The following XRCC4 variants were observed in gnomAD, a reference collection of about 807,000 sequenced individuals.
XRCC4 encodes the protein DNA repair protein XRCC4.
A neutral mutation model predicts 39.1 loss-of-function variants in XRCC4; 28 were observed. The observed-to-expected ratio is 0.72, with a 90% CI of 0.53 to 0.98. The LOEUF is 0.98. XRCC4 is among the 50% of genes least tolerant of loss of function. The pLI is 0.00. For missense variants in XRCC4, 350 were observed against 376.4 expected (o/e 0.93, Z 0.58); for synonymous variants, 123 against 126.4 (o/e 0.97, Z 0.18).
At chr5:83,302,520 C>T (rs936055277) in intron 7 of XRCC4, among the ~76,000 whole-genome samples, 1 of 152,172 alleles carries the variant, frequency 6.6e-6, no homozygotes, top group Non-Finnish European at 1.5e-5. Flanking sequence ...GAGGGCTGCA[C>T]CCACTGTCTA....
At chr5:83,167,645 A>C (rs948964161) in intron 3 of XRCC4, among the ~76,000 whole-genome samples, 2 of 152,178 alleles carry the variant, frequency 1.3e-5, no homozygotes, top group South Asian at 4.1e-4. Flanking sequence ...GAGGAGGAGG[A>C]GATGCACTTC....
At chr5:83,106,772 A>G (rs1343876852) in intron 2 of XRCC4, among the ~76,000 whole-genome samples, 2 of 151,912 alleles carry the variant, frequency 1.3e-5, no homozygotes, top group African/African-American at 4.8e-5. Context: ...GTTTGTCAAC[A>G]CTCTTTGCAA....
At position 83,271,007 on chromosome 5, in the gene XRCC4, G is replaced by C. The variant is rs144592238; in HGVS notation, c.893+12330G>C. ...TGCCATGTATAGGAAGACAGAAGGG[G>C]TTTTATTTAGCCCATTTAATCAACT... On this transcript the variant is annotated intron_variant, in intron 7 of 7. Coordinates refer to ENST00000396027, the MANE Select transcript of XRCC4 (RefSeq NM_003401.5). Among the ~76,000 whole-genome samples, 230 of 152,012 alleles carry C rather than the reference G, an allele frequency of 1.5e-3. 3 individuals carry two copies. The highest frequency in any genetic ancestry group is 5.3e-3 in the African/African-American group (218 of 41,504).
intron 1 of XRCC4, among the ~76,000 whole-genome samples, chr5:83,087,043 G>A (rs1745212826): frequency 1.3e-5 from 2 of 152,172 alleles, no homozygotes; most frequent in African/African-American, 4.8e-5. Context: ...TAGGCCAGGA[G>A]TGGTGGCTCA....
intron 1 of XRCC4, among the ~76,000 whole-genome samples, chr5:83,093,933 C>T (rs906361618): frequency 3.3e-5 from 5 of 152,098 alleles, no homozygotes; most frequent in Non-Finnish European, 5.9e-5. Flanking sequence ...AATATATCAG[C>T]CCACTCTCTC....
At position 83,215,652 on chromosome 5, in the gene XRCC4, G is replaced by T. The variant is rs184450432; in HGVS notation, c.745+10731G>T. ...TGATAAAATGAGAATCTAGAATTGA[G>T]ACTGTAGAAGTAAGCCTTCATGTTT... On this transcript the variant is annotated intron_variant, in intron 6 of 7. Transcript: ENST00000396027. Among the ~76,000 whole-genome samples the T allele has an allele frequency of 3.5e-3, 534 of 152,284 alleles. 1 individual carries two copies. The highest frequency in any genetic ancestry group is 0.012 in the African/African-American group (496 of 41,540).
At chr5:83,104,778 CTAT>C in intron 1 of XRCC4, 129 bp from the exon 2 acceptor site, 1 of 678,042 alleles carries the variant, frequency 1.5e-6, no homozygotes, top group Non-Finnish European at 2.5e-6. Context: ...ATGGTTGAAC[CTAT>C]TATACAGTTT....
At chr5:83,134,708 T>G (rs929017171) in intron 3 of XRCC4, among the ~76,000 whole-genome samples, 1 of 152,168 alleles carries the variant, frequency 6.6e-6, no homozygotes, top group African/African-American at 2.4e-5. Flanking sequence ...TTGCGTGTTG[T>G]GGAAGCTTTG....
At chr5:83,246,821 A>G (rs1285564716) in intron 6 of XRCC4, among the ~76,000 whole-genome samples, 1 of 152,204 alleles carries the variant, frequency 6.6e-6, no homozygotes, top group Non-Finnish European at 1.5e-5. Flanking sequence ...TTTGCACAAA[A>G]GCACATTTTA....
At chr5:83,341,027 G>A (rs756978660) in intron 7 of XRCC4, among the ~76,000 whole-genome samples, 26 of 152,060 alleles carry the variant, frequency 1.7e-4, no homozygotes, top group Admixed American at 9.8e-4. Context: ...TTTTCTCAGC[G>A]AAGAAGGTAA....
chr5:83,366,055 G>C, the XRCC4 span, among the ~76,000 whole-genome samples: 2 of 152,162 alleles, frequency 1.3e-5, no homozygotes, highest in African/African-American at 4.8e-5. Flanking sequence ...GCAATAGAGA[G>C]AAGTATGCCA....
At chr5:83,235,047 C>T (rs1431684988) in intron 6 of XRCC4, among the ~76,000 whole-genome samples, 1 of 151,430 alleles carries the variant, frequency 6.6e-6, no homozygotes, top group Non-Finnish European at 1.5e-5. Flanking sequence ...AAAAGTAACA[C>T]TGTTGGCTGG....
intron 7 of XRCC4, among the ~76,000 whole-genome samples, chr5:83,272,573 C>T (rs182767749): frequency 1.3e-5 from 2 of 152,186 alleles, no homozygotes; most frequent in African/African-American, 4.8e-5. Context: ...TGCTTTCCCT[C>T]TTCTTTCCCC....
At chr5:83,334,832 A>T (rs917777637) in intron 7 of XRCC4, among the ~76,000 whole-genome samples, 1 of 152,000 alleles carries the variant, frequency 6.6e-6, no homozygotes, top group Non-Finnish European at 1.5e-5. Context: ...TTTTGTGGTT[A>T]CTGGGATCTG....
chr5:83,199,885 A>G (rs1045559531), intron 4 of XRCC4, among the ~76,000 whole-genome samples: 3 of 152,142 alleles, frequency 2.0e-5, no homozygotes, highest in African/African-American at 7.2e-5. Flanking sequence ...AAGTATCATT[A>G]GACCTTTCTT....
chr5:83,184,802 C>T (rs979445390), intron 3 of XRCC4, among the ~76,000 whole-genome samples: 1 of 152,088 alleles, frequency 6.6e-6, no homozygotes, highest in African/African-American at 2.4e-5. Flanking sequence ...TTAAAGTAAT[C>T]AACCATTTTA....
At chr5:83,299,740 GTT>G (rs915822372) in intron 7 of XRCC4, among the ~76,000 whole-genome samples, 35 of 152,016 alleles carry the variant, frequency 2.3e-4, no homozygotes, top group African/African-American at 7.7e-4. Context: ...GATATTACGT[GTT>G]GTTTTCAAAT....
chr5:83,236,739 T>C (rs1224050580), intron 6 of XRCC4, among the ~76,000 whole-genome samples: 1 of 151,584 alleles, frequency 6.6e-6, no homozygotes, highest in Non-Finnish European at 1.5e-5. Flanking sequence ...AAAAAGCTTC[T>C]GCACAGCAAA....
At chr5:83,206,187 C>T (rs890005717) in intron 6 of XRCC4, among the ~76,000 whole-genome samples, 8 of 152,044 alleles carry the variant, frequency 5.3e-5, no homozygotes, top group African/African-American at 1.9e-4. Context: ...GAGGATTAGT[C>T]TGTGTATTGT....
Sources: allele counts gnomAD v4.1 joint callset (sites outside exome capture counted in the v4.1 genomes callset), GRCh38; gene constraint gnomAD v4.1.1; transcripts MANE v1.5; gene names NCBI Gene and HGNC (gene_info 2026-07-23, HGNC 2026-07-21).